Variants in CLIC2 observed in about 807,000 individuals in gnomAD.
CLIC2 encodes the protein CLIC family member 2.
In CLIC2, 9 loss-of-function variants were observed where a neutral mutation model predicts 14.8. That is an observed-to-expected ratio of 0.61 (90% CI 0.37 to 1.06). The LOEUF (loss-of-function observed/expected upper bound fraction) is 1.06. CLIC2 is among the 50% of genes least tolerant of loss of function. The probability of loss-of-function intolerance (pLI) is 0.01; values close to 1 mark genes in which losing one functional copy is unlikely to be tolerated. For missense variants in CLIC2, 148 were observed against 181.4 expected, an observed-to-expected ratio of 0.82 and a Z score of 1.06; for synonymous variants, 61 against 66.3, an observed-to-expected ratio of 0.92 and a Z score of 0.39.
chrX:155,308,640 A>G (rs1308271126), intron 1 of CLIC2, among the ~76,000 whole-genome samples: 1 of 112,306 alleles, frequency 8.9e-6, no homozygotes, highest in Non-Finnish European at 1.9e-5. Context: ...GGTCAAGGAT[A>G]AAGAAAGGAT....
chrX:155,295,033 C>G (rs1161087599), intron 3 of CLIC2, among the ~76,000 whole-genome samples: 1 of 111,647 alleles, frequency 9.0e-6, no homozygotes, highest in Non-Finnish European at 1.9e-5. Context: ...CAGCACCACC[C>G]TGATACAAAA....
chrX:155,280,938 A>G (rs1326819923), intron 3 of CLIC2, among the ~76,000 whole-genome samples: 3 of 106,864 alleles, frequency 2.8e-5, no homozygotes, highest in African/African-American at 6.8e-5. Flanking sequence ...AAGCTAACAT[A>G]TAGAAACAAC....
chrX:155,325,761 G>GATATAATATATAT (rs1214249356), intron 1 of CLIC2, among the ~76,000 whole-genome samples: 2 of 32,861 alleles, frequency 6.1e-5, no homozygotes, highest in African/African-American at 2.2e-4. Flanking sequence ...AAGAAAATGT[G>GATATAATATATAT]ATATATATAT....
intron 1 of CLIC2, 81 bp downstream of exon 1, chrX:155,334,290 T>C: frequency 1.3e-6 from 1 of 776,601 alleles, no homozygotes; most frequent in Non-Finnish European, 2.0e-6. Context: ...AGCCCAAATG[T>C]GGAGAATTTT....
At chrX:155,315,035 T>C (rs781845173) in intron 1 of CLIC2, among the ~76,000 whole-genome samples, 2 of 111,275 alleles carry the variant, frequency 1.8e-5, no homozygotes, top group East Asian at 5.6e-4. Flanking sequence ...TCAAATTAAC[T>C]GAATCCCTCA....
At chrX:155,311,854 G>A (rs144647530) in intron 1 of CLIC2, among the ~76,000 whole-genome samples, 2,194 of 111,072 alleles carry the variant, frequency 0.02, 26 homozygotes, top group Middle Eastern at 0.028. Context: ...AAGGGAAAGC[G>A]GTTTCCCCTT....
chrX:155,304,108 C>T (rs868981763), intron 1 of CLIC2, among the ~76,000 whole-genome samples: 294 of 107,123 alleles, frequency 2.7e-3, no homozygotes, highest in Non-Finnish European at 4.3e-3. Context: ...TCTGTATTTC[C>T]TGAATCTGAA....
At chrX:155,329,908 T>G (rs189812229) in intron 1 of CLIC2, among the ~76,000 whole-genome samples, 1 of 111,429 alleles carries the variant, frequency 9.0e-6, no homozygotes, top group East Asian at 2.8e-4. Flanking sequence ...GAACTGGACG[T>G]CATATATTAC....
rs373277985 is a variant in CLIC2 at position 155,280,990 on chromosome X, G to GATATATATATATATATAT, written c.294-940_294-923dup. The stretch of plus-strand genomic sequence containing the variant: ...AGATGAATGGATATAGAAATTGTGA[G>GATATATATATATATATAT]ATATATATATATATATATATATATG... On this transcript the variant is annotated intron_variant, in intron 3 of 5. Coordinates refer to ENST00000369449, the MANE Select transcript of CLIC2 (RefSeq NM_001289.6). Among the ~76,000 whole-genome samples the GATATATATATATATATAT allele has an allele frequency of 4.3e-3, 386 of 89,808 alleles. 6 individuals are homozygous for GATATATATATATATATAT. Among genetic ancestry groups the GATATATATATATATATAT allele is most frequent in the African/African-American group, 7.9e-3 (193 of 24,310 alleles). 78.0% of individuals were successfully genotyped at this position (89,808 alleles called of 115,157 possible). A position where few individuals can be genotyped will look rare whatever the true frequency, so the allele number is the denominator to read the frequency against.
intron 1 of CLIC2, among the ~76,000 whole-genome samples, chrX:155,327,244 T>C (rs1282682649): frequency 3.6e-5 from 4 of 111,606 alleles, no homozygotes; most frequent in Non-Finnish European, 7.6e-5. Context: ...AAATTCATAA[T>C]ATATTGTGAA....
intron 5 of CLIC2, chrX:155,278,933 CAAAAA>C (rs1298701188): frequency 2.6e-6 from 1 of 390,349 alleles, no homozygotes; most frequent in Non-Finnish European, 4.4e-6. Flanking sequence ...GACCCTATCT[CAAAAA>C]AGAAAAAAAA....
At chrX:155,304,951 C>T (rs1384662569) in intron 1 of CLIC2, among the ~76,000 whole-genome samples, 3 of 106,725 alleles carry the variant, frequency 2.8e-5, no homozygotes, top group Non-Finnish European at 5.8e-5. Flanking sequence ...AGATCTCCAG[C>T]TGCGTGCTGG....
chrX:155,299,407 G>T (rs781994216), intron 1 of CLIC2, among the ~76,000 whole-genome samples: 41 of 110,441 alleles, frequency 3.7e-4, no homozygotes, highest in Non-Finnish European at 6.8e-4. Context: ...AGACATTTAA[G>T]ATATTCCAAA....
chrX:155,311,434 C>T (rs782030199), intron 1 of CLIC2, among the ~76,000 whole-genome samples: 24 of 111,636 alleles, frequency 2.1e-4, no homozygotes, highest in Middle Eastern at 9.2e-3. Context: ...CGGTTCCCAG[C>T]AAGTTCCTCA....
At chrX:155,301,416 G>A (rs1382702684) in intron 1 of CLIC2, among the ~76,000 whole-genome samples, 4 of 110,979 alleles carry the variant, frequency 3.6e-5, no homozygotes, top group Admixed American at 1.9e-4. Flanking sequence ...TGTGATTTTT[G>A]CACATTGATT....
At chrX:155,305,849 G>T (rs979853971) in intron 1 of CLIC2, among the ~76,000 whole-genome samples, 1 of 111,263 alleles carries the variant, frequency 9.0e-6, no homozygotes, top group Non-Finnish European at 1.9e-5. Context: ...TTCTCTACGT[G>T]GTCTGGCTTT....
intron 1 of CLIC2, among the ~76,000 whole-genome samples, chrX:155,309,380 C>T (rs2075066302): frequency 9.0e-6 from 1 of 111,711 alleles, no homozygotes; most frequent in African/African-American, 3.3e-5. Context: ...GGAGAAAATA[C>T]TTCTAATATC....
intron 1 of CLIC2, among the ~76,000 whole-genome samples, chrX:155,303,081 A>G (rs1557319367): frequency 1.0e-5 from 1 of 95,740 alleles, no homozygotes; most frequent in African/African-American, 3.7e-5. Context: ...AGAGTTCTGT[A>G]GATGTCTATT....
chrX:155,300,380 G>C (rs1304724136), intron 1 of CLIC2, among the ~76,000 whole-genome samples: 1 of 110,821 alleles, frequency 9.0e-6, no homozygotes, highest in Non-Finnish European at 1.9e-5. Context: ...GTCTTCTTTT[G>C]AGAAGTGTCT....
Sources: gnomAD v4.1 joint callset for allele counts (sites outside exome capture counted in the v4.1 genomes callset) on GRCh38, gnomAD v4.1.1 for gene constraint, MANE v1.5 for transcripts, NCBI Gene and HGNC (gene_info 2026-07-23, HGNC 2026-07-21) for gene names.